The following HDAC9 variants were observed in gnomAD, a reference collection of about 807,000 sequenced individuals.
The protein encoded by HDAC9 is histone deacetylase 9, also known as MEF-2 interacting transcription repressor (MITR) protein.
Under a neutral mutation model 139.4 loss-of-function variants are expected in HDAC9, and 41 were observed. That is an observed-to-expected ratio of 0.29 (90% confidence interval 0.23 to 0.38). The LOEUF is 0.38. HDAC9 is among the 10% of genes least tolerant of loss of function. The pLI, the probability that HDAC9 is intolerant of heterozygous loss-of-function variation, is 1.00. For missense variants in HDAC9, 1,147 were observed against 1,297.0 expected (o/e 0.88, Z 1.78); for synonymous variants, 517 against 476.2 (o/e 1.09, Z -1.12).
chr7:18,402,322 A>T (rs1004730821), intron 1 of HDAC9, among the ~76,000 whole-genome samples: 1 of 152,204 alleles, frequency 6.6e-6, no homozygotes, highest in Non-Finnish European at 1.5e-5. Context: ...GGAGAGCTCA[A>T]CAAAGGCCTC....
chr7:18,827,102 A>G (rs977406746), intron 17 of HDAC9, among the ~76,000 whole-genome samples: 2 of 151,658 alleles, frequency 1.3e-5, no homozygotes, highest in African/African-American at 4.8e-5. Flanking sequence ...AAAACTATAT[A>G]TATATGAAAT....
intron 23 of HDAC9, among the ~76,000 whole-genome samples, 156 bp downstream of exon 23, chr7:18,936,098 C>G (rs375919890): frequency 6.6e-6 from 1 of 152,152 alleles, no homozygotes; most frequent in African/African-American, 2.4e-5. Context: ...TACATGTTCT[C>G]GTATACTACA....
At chr7:18,540,802 G>A (rs760287477) in intron 2 of HDAC9, among the ~76,000 whole-genome samples, 1 of 152,120 alleles carries the variant, frequency 6.6e-6, no homozygotes, top group Non-Finnish European at 1.5e-5. Flanking sequence ...AATGTTTTTA[G>A]TTCAAAAGTA....
chr7:18,950,743 C>T (rs777122651), intron 23 of HDAC9, among the ~76,000 whole-genome samples: 3 of 151,596 alleles, frequency 2.0e-5, no homozygotes, highest in African/African-American at 7.3e-5. Context: ...GCAATATTTG[C>T]GGTGGTCCTT....
rs1215927994 is a variant in HDAC9, at chr7:18,829,173, G to A, written c.2335G>A (p.Val779Ile). 6.2e-7 allele frequency: 1 copy of A among 1,612,788 alleles called. No homozygotes were observed. Among genetic ancestry groups the A allele is most frequent in the Non-Finnish European group, 8.5e-7 (1 of 1,178,872 alleles). ...ASGELKNGFA[V>I]VRPPGHHAEE... ...CTTGTTTTCACAGAATGGGTTTGCTGTTGTGAGGCCCCCTGGCCATCACGC... is the reference window on the plus strand; with the variant it reads ...CTTGTTTTCACAGAATGGGTTTGCTATTGTGAGGCCCCCTGGCCATCACGC... The change falls in exon 18 of 26, where the codon GTT becomes ATT. Residue 779 changes from valine (V) to isoleucine (I), a missense_variant. Val to Ile is a conservative substitution (Grantham distance 29). Around this residue, in one of 7 missense-constraint regions of HDAC9, gnomAD observed 407 missense variants for 521.5 expected, o/e 0.78. Coordinates refer to ENST00000686413, the MANE Select transcript of HDAC9 (RefSeq NM_178425.4).
intron 2 of HDAC9, among the ~76,000 whole-genome samples, chr7:18,536,840 A>C (rs934884231): frequency 1.3e-5 from 2 of 152,212 alleles, no homozygotes; most frequent in African/African-American, 4.8e-5. Flanking sequence ...GTATTAAATA[A>C]GTTAGTTATA....
At chr7:18,253,660 C>T (rs185837126) in intron 2 of HDAC9, among the ~76,000 whole-genome samples, 1 of 152,258 alleles carries the variant, frequency 6.6e-6, no homozygotes, top group East Asian at 1.9e-4. Context: ...ATGTCACCAT[C>T]CAGTTTGAGT....
chr7:18,444,602 G>A (rs558216086), intron 1 of HDAC9, among the ~76,000 whole-genome samples: 2 of 152,082 alleles, frequency 1.3e-5, no homozygotes, highest in South Asian at 2.1e-4. Context: ...TAGATACAAA[G>A]GAGTCTCATT....
At chr7:18,870,870 G>A (rs1798864276) in intron 21 of HDAC9, among the ~76,000 whole-genome samples, 1 of 152,146 alleles carries the variant, frequency 6.6e-6, no homozygotes, top group African/African-American at 2.4e-5. Flanking sequence ...GTCTCTCTGT[G>A]TTACCCAGGG....
rs1396606175 is a variant in HDAC9 at position 18,316,494 on chromosome 7, T to G, written c.-42+25979T>G. ...TTTGGAGTCCTCTTTGGAATAAGAT[T>G]CCATTAAAAATTCACCCATGTTGCC... On this transcript the variant is annotated intron_variant, in intron 1 of 3. Transcript: ENST00000413509. Among the ~76,000 whole-genome samples, 4 of 151,920 alleles carry G rather than the reference T, an allele frequency of 2.6e-5. No homozygotes were observed. The South Asian group carries it at 8.3e-4, about 32-fold the overall frequency.
At chr7:18,805,538 C>A (rs777091574) in intron 17 of HDAC9, among the ~76,000 whole-genome samples, 1 of 152,164 alleles carries the variant, frequency 6.6e-6, no homozygotes, top group Non-Finnish European at 1.5e-5. Flanking sequence ...GTGGACACTG[C>A]GCAGAAGCCA....
intron 2 of HDAC9, among the ~76,000 whole-genome samples, chr7:18,574,363 G>T (rs1184760611): frequency 1.3e-5 from 2 of 152,216 alleles, no homozygotes; most frequent in African/African-American, 4.8e-5. Context: ...CTCTGCCTCA[G>T]TCTGGCTGAG....
intron 22 of HDAC9, among the ~76,000 whole-genome samples, chr7:18,916,314 A>G (rs1803204335): frequency 6.6e-6 from 1 of 152,080 alleles, no homozygotes; most frequent in Non-Finnish European, 1.5e-5. Flanking sequence ...TGACTAATGT[A>G]GAATCATAAA....
chr7:18,780,073 C>T (rs150975446), intron 16 of HDAC9, among the ~76,000 whole-genome samples: 14 of 152,064 alleles, frequency 9.2e-5, no homozygotes, highest in South Asian at 4.2e-4. Context: ...GGACCAAATG[C>T]GAGCTGAGAT....
intron 1 of HDAC9, among the ~76,000 whole-genome samples, chr7:18,479,984 CTT>C (rs753734278): frequency 2.6e-5 from 3 of 116,136 alleles, no homozygotes; most frequent in African/African-American, 6.3e-5. Context: ...TCCACTCTGT[CTT>C]TTTTTTTTTT....
chr7:18,811,628 T>G (rs1794180370), intron 17 of HDAC9, among the ~76,000 whole-genome samples: 4 of 151,906 alleles, frequency 2.6e-5, no homozygotes, highest in Admixed American at 1.3e-4. Flanking sequence ...CATTTATTGA[T>G]ATTTATAATG....
At chr7:18,235,116 G>C (rs1417185523) in intron 2 of HDAC9, among the ~76,000 whole-genome samples, 1 of 152,048 alleles carries the variant, frequency 6.6e-6, no homozygotes, top group African/African-American at 2.4e-5. Context: ...TATCCCATTT[G>C]ATGTGGAAAA....
chr7:18,655,428 CTGAGA>C (rs1371499408), intron 11 of HDAC9, among the ~76,000 whole-genome samples: 1 of 152,102 alleles, frequency 6.6e-6, no homozygotes, highest in Non-Finnish European at 1.5e-5. Flanking sequence ...CGATGTTATT[CTGAGA>C]TAATTGGCCC....
chr7:18,329,442 G>C (rs1266281798), intron 1 of HDAC9, among the ~76,000 whole-genome samples: 1 of 151,132 alleles, frequency 6.6e-6, no homozygotes, highest in East Asian at 1.9e-4. Flanking sequence ...ATTATTATTT[G>C]TCAGTTAAAA....
Sources: gnomAD v4.1 joint callset for allele counts (sites outside exome capture counted in the v4.1 genomes callset) on GRCh38, gnomAD v4.1.1 for gene constraint, gnomAD v4.1.1 regional missense constraint, MANE v1.5 for transcripts, NCBI Gene and HGNC (gene_info 2026-07-23, HGNC 2026-07-21) for gene names.